The following EML6 variants were observed in gnomAD, a reference collection of about 807,000 sequenced individuals.
EML6 encodes EMAP like 6.
In EML6, 154 loss-of-function variants were observed where a neutral mutation model predicts 240.1. That is an observed-to-expected ratio of 0.64 (90% confidence interval 0.56 to 0.73). The LOEUF is 0.73. EML6 is among the 30% of genes least tolerant of loss of function. The pLI is 0.00. For synonymous variants in EML6, 1,148 were observed against 899.0 expected (o/e 1.28, Z -4.95); for missense variants, 2,964 against 2,474.6 (o/e 1.20, Z -4.20).
At chr2:54,845,922 C>T (rs1669726514) in intron 8 of EML6, among the ~76,000 whole-genome samples, 1 of 152,288 alleles carries the variant, frequency 6.6e-6, no homozygotes, top group South Asian at 2.1e-4. Flanking sequence ...TATCAGAAGA[C>T]TATATTTTAA....
chr2:54,962,493 C>T (rs986828482), intron 35 of EML6, 30 bp from the exon 36 acceptor site: 5 of 1,503,806 alleles, frequency 3.3e-6, no homozygotes, highest in Non-Finnish European at 4.5e-6. Context: ...AGTATTTGTC[C>T]TTTTTCTAAT....
chr2:54,917,048 GTAT>G, intron 26 of EML6, 113 bp downstream of exon 26: 1 of 766,736 alleles, frequency 1.3e-6, no homozygotes, highest in Non-Finnish European at 2.0e-6. Flanking sequence ...CATTATCGGA[GTAT>G]TATTTATGCT....
chr2:54,898,070 G>T (rs1273029930), intron 21 of EML6, among the ~76,000 whole-genome samples: 2 of 152,094 alleles, frequency 1.3e-5, no homozygotes, highest in African/African-American at 4.8e-5. Context: ...AGGGGAGAAT[G>T]GCAGGTGATG....
chr2:54,903,800 T>G (rs1034490596), intron 24 of EML6, among the ~76,000 whole-genome samples: 1 of 152,194 alleles, frequency 6.6e-6, no homozygotes, highest in African/African-American at 2.4e-5. Context: ...ACCTCACCTT[T>G]AGTTGGGAGT....
In EML6 at chr2:54,894,916, G is replaced by T; in HGVS notation, c.2744G>T (p.Gly915Val). The T allele has an allele frequency of 6.5e-7, 1 of 1,549,808 alleles. No individual in the cohort carries two copies. Among genetic ancestry groups the T allele is most frequent in the Non-Finnish European group, 8.7e-7 (1 of 1,145,406 alleles). Reference sequence around the variant, plus strand: ...TACCTCTCATGTGTGCCTTCACAGGGCTTTGTAACAGGTGGAAAGGACGGC... The same window carrying T: ...TACCTCTCATGTGTGCCTTCACAGGTCTTTGTAACAGGTGGAAAGGACGGC... ...PVFAMYALDKGFVTGGKDGIV... is the reference protein window; with the variant it reads ...PVFAMYALDKVFVTGGKDGIV... The change falls in exon 20 of 42, where the codon GGC becomes GTC. Residue 915 changes from glycine to valine, a missense_variant and splice_region_variant. By Grantham distance (109) the Gly-to-Val change is moderately radical. Coordinates refer to ENST00000356458, the MANE Select transcript of EML6 (RefSeq NM_001039753.4).
intron 28 of EML6, among the ~76,000 whole-genome samples, chr2:54,948,612 C>G (rs1427592693): frequency 6.6e-6 from 1 of 152,174 alleles, no homozygotes; most frequent in African/African-American, 2.4e-5. Context: ...CCCCTGCTCC[C>G]AGGAGAAGGT....
chr2:54,822,334 T>C (rs1051342991), intron 5 of EML6, among the ~76,000 whole-genome samples: 6 of 152,180 alleles, frequency 3.9e-5, no homozygotes, highest in Non-Finnish European at 8.8e-5. Flanking sequence ...TTTGGAAATA[T>C]TTATCCTTAG....
At chr2:54,854,591 G>A (rs1039410180) in intron 11 of EML6, among the ~76,000 whole-genome samples, 25 of 152,206 alleles carry the variant, frequency 1.6e-4, no homozygotes, top group Admixed American at 1.1e-3. Flanking sequence ...ACATGCTACT[G>A]CCTGAAAACT....
At chr2:54,792,088 A>G (rs964920974) in intron 2 of EML6, among the ~76,000 whole-genome samples, 5 of 152,224 alleles carry the variant, frequency 3.3e-5, no homozygotes, top group African/African-American at 1.2e-4. Context: ...TTAAAAGTTC[A>G]GAAATGTGAT....
chr2:54,904,614 G>GA lies in EML6; in HGVS notation c.3409+1114dup, dbSNP rs1656988636. Among the ~76,000 whole-genome samples, 9 of 152,298 alleles carry GA rather than the reference G, an allele frequency of 5.9e-5. No homozygotes were observed. In the South Asian group the frequency reaches 1.9e-3, roughly 32 times the overall value. ...AAGGTGGGAAGAACCAGGGGGTGAT[G>GA]AAGAAATAGAAGTGCTCAGTGGCTG... On this transcript the variant is annotated intron_variant, in intron 24 of 41. Coordinates refer to ENST00000356458, the MANE Select transcript of EML6 (RefSeq NM_001039753.4).
chr2:54,907,537 C>A (rs1383078008), intron 24 of EML6, among the ~76,000 whole-genome samples: 1 of 152,032 alleles, frequency 6.6e-6, no homozygotes, highest in South Asian at 2.1e-4. Context: ...ACAATTTGAG[C>A]CATAATAGGA....
At chr2:54,850,687 A>G (rs1272419245) in intron 10 of EML6, among the ~76,000 whole-genome samples, 2 of 152,210 alleles carry the variant, frequency 1.3e-5, no homozygotes, top group Non-Finnish European at 2.9e-5. Flanking sequence ...CACTATTTAG[A>G]CTGGCAAAAG....
chr2:54,929,266 C>T (rs973251839), intron 28 of EML6, among the ~76,000 whole-genome samples: 1 of 152,176 alleles, frequency 6.6e-6, no homozygotes, highest in Non-Finnish European at 1.5e-5. Flanking sequence ...TTGGCATTTC[C>T]AGCCTATCCC....
chr2:54,745,836 T>G (rs1316595187), intron 2 of EML6, among the ~76,000 whole-genome samples: 1 of 151,974 alleles, frequency 6.6e-6, no homozygotes, highest in Non-Finnish European at 1.5e-5. Context: ...CTTTAACTAC[T>G]GAGGAGAGGA....
At chr2:54,930,182 C>G (rs772372058) in intron 28 of EML6, among the ~76,000 whole-genome samples, 59 of 152,114 alleles carry the variant, frequency 3.9e-4, no homozygotes, top group Non-Finnish European at 8.1e-4. Flanking sequence ...AAGGGTGTTT[C>G]TGGCTGATTT....
intron 24 of EML6, among the ~76,000 whole-genome samples, chr2:54,909,393 C>T (rs1472059290): frequency 6.6e-6 from 1 of 152,192 alleles, no homozygotes; most frequent in Non-Finnish European, 1.5e-5. Context: ...GTGCCCATTT[C>T]AGGGTACACA....
intron 2 of EML6, among the ~76,000 whole-genome samples, chr2:54,736,023 T>C (rs906353210): frequency 6.6e-6 from 1 of 152,152 alleles, no homozygotes; most frequent in Non-Finnish European, 1.5e-5. Context: ...GAACAGCTTA[T>C]GCAGAGGCTC....
Position 54,725,242 on chromosome 2 carries a change from AACG to A in EML6, c.187_189del (p.Asp63del). ...CAGCCAAAAATTCTTCCTGGGACAC[AACG>A]ACGACATTATCAGGTAAGGGGGTGG... On this transcript the variant is annotated inframe_deletion, in exon 2 of 42. Transcript: ENST00000356458. The surrounding 1 kb of genome is among the most constrained non-coding windows in gnomAD (Gnocchi z 4.3). 1 of 1,482,254 alleles carries A rather than the reference AACG, an allele frequency of 6.7e-7. No homozygotes were observed. Among genetic ancestry groups the A allele is most frequent in the South Asian group, 1.3e-5 (1 of 76,824 alleles). 91.8% of individuals were successfully genotyped at this position (1,482,254 alleles called of 1,614,324 possible). A position where few individuals can be genotyped will look rare whatever the true frequency, so the allele number is the denominator to read the frequency against.
Position 54,962,553 on chromosome 2 carries a change from G to C in EML6, c.4999G>C (p.Glu1667Gln). 1 of 1,548,058 alleles carries C rather than the reference G, an allele frequency of 6.5e-7. No homozygotes were observed. The highest frequency in any genetic ancestry group is 8.7e-7 in the Non-Finnish European group (1 of 1,145,478). ...GKILVGTKDG[E>Q]IIEVGEKNAA... ...AATCTTAGTGGGAACCAAAGACGGA[G>C]AAATAATTGAAGTTGGTGAAAAAAA... The change falls in exon 36 of 42, where the codon GAA becomes CAA. Residue 1667 changes from glutamate (E) to glutamine (Q), a missense_variant. Coordinates refer to ENST00000356458, the MANE Select transcript of EML6 (RefSeq NM_001039753.4).
Sources: allele counts gnomAD v4.1 joint callset (sites outside exome capture counted in the v4.1 genomes callset), GRCh38; gene constraint gnomAD v4.1.1; non-coding constraint Gnocchi (gnomAD v3.1); transcripts MANE v1.5; gene names NCBI Gene and HGNC (gene_info 2026-07-23, HGNC 2026-07-21).